Variants in MACROD2 observed in about 807,000 individuals in gnomAD.
The protein encoded by MACROD2 is mono-ADP ribosylhydrolase 2.
Under a neutral mutation model 70.4 loss-of-function variants are expected in MACROD2, and 36 were observed. The observed-to-expected ratio is 0.51, with a 90% CI of 0.39 to 0.68. The LOEUF (loss-of-function observed/expected upper bound fraction) is 0.68. Ranked by LOEUF, MACROD2 falls within the 30% of genes least tolerant of loss-of-function variation. The probability of loss-of-function intolerance (pLI) is 0.00; values close to 1 mark genes in which losing one functional copy is unlikely to be tolerated. For synonymous variants in MACROD2, 172 were observed against 178.8 expected (o/e 0.96, Z 0.30); for missense variants, 496 against 538.4 (o/e 0.92, Z 0.78).
intron 4 of MACROD2, among the ~76,000 whole-genome samples, chr20:14,533,371 G>C (rs761271836): frequency 6.6e-6 from 1 of 152,170 alleles, no homozygotes; most frequent in African/African-American, 2.4e-5. Context: ...ACCTCAGTTA[G>C]TGAAAATTTT....
chr20:15,213,447 A>T lies in MACROD2; in HGVS notation c.419-16493A>T, dbSNP rs150756549. Among the ~76,000 whole-genome samples the T allele has an allele frequency of 2.6e-3, 389 of 152,092 alleles. 3 individuals are homozygous for T. Among genetic ancestry groups the T allele is most frequent in the African/African-American group, 8.8e-3 (367 of 41,480 alleles). On this transcript the variant is annotated intron_variant, in intron 5 of 17. Transcript: ENST00000684519. Reference sequence around the variant, plus strand: ...CCATTTTTTTTTTCCTATGTTGGTTAAGGAGGCCTCTTAGCAAAATCTAAA... The same window carrying T: ...CCATTTTTTTTTTCCTATGTTGGTTTAGGAGGCCTCTTAGCAAAATCTAAA...
At chr20:14,595,514 G>A (rs1263822535) in intron 4 of MACROD2, among the ~76,000 whole-genome samples, 1 of 152,086 alleles carries the variant, frequency 6.6e-6, no homozygotes, top group Admixed American at 6.6e-5. Context: ...CTTACACTTG[G>A]CTGTCTCAAT....
Position 14,305,310 on chromosome 20 carries a change from T to C in MACROD2, c.272-188169T>C, listed in dbSNP as rs6042662. On this transcript the variant is annotated intron_variant, in intron 3 of 17. Coordinates refer to ENST00000684519, the MANE Select transcript of MACROD2 (RefSeq NM_001351661.2). ...CATTTATTTACCAGGTAAGCTATTG[T>C]TGCTTATTCATTTCATGTGTTTGCC... 9.4e-3 allele frequency among the ~76,000 whole-genome samples: 1,439 copies of C among 152,296 alleles called. 22 individuals are homozygous for C. The highest frequency in any genetic ancestry group is 0.033 in the African/African-American group (1,368 of 41,572).
chr20:14,136,271 A>C (rs2054796204), intron 3 of MACROD2, among the ~76,000 whole-genome samples: 2 of 152,196 alleles, frequency 1.3e-5, no homozygotes, highest in Admixed American at 1.3e-4. Context: ...TATAAGCACA[A>C]AAAATGTGAA....
intron 5 of MACROD2, among the ~76,000 whole-genome samples, chr20:14,812,446 G>A (rs1228067879): frequency 2.6e-5 from 4 of 151,948 alleles, no homozygotes; most frequent in Admixed American, 1.3e-4. Context: ...GGGAGGAATA[G>A]CATTAGGAGA....
intron 2 of MACROD2, among the ~76,000 whole-genome samples, chr20:14,045,255 C>A (rs908843420): frequency 3.3e-5 from 5 of 152,266 alleles, no homozygotes; most frequent in Non-Finnish European, 7.3e-5. Context: ...GGCTGAAGGG[C>A]CCCTCAAGCG....
At chr20:15,285,819 A>G (rs1258527240) in intron 6 of MACROD2, among the ~76,000 whole-genome samples, 1 of 152,192 alleles carries the variant, frequency 6.6e-6, no homozygotes, top group Non-Finnish European at 1.5e-5. Context: ...AGAAGTTCCT[A>G]CTATGAAAGT....
chr20:15,590,985 A>AAG (rs909142950), intron 8 of MACROD2, among the ~76,000 whole-genome samples: 12 of 151,964 alleles, frequency 7.9e-5, no homozygotes, highest in East Asian at 3.9e-4. Context: ...GAAAGAAAAG[A>AAG]AGAGAGAGAG....
intron 10 of MACROD2, among the ~76,000 whole-genome samples, chr20:15,899,304 G>GTATGTGTATGTATGTGTATGTA (rs2065028063): frequency 6.6e-6 from 1 of 151,658 alleles, no homozygotes; most frequent in Non-Finnish European, 1.5e-5. Context: ...ACATATGTGT[G>GTATGTGTATGTATGTGTATGTA]TACATATATA....
At chr20:14,562,125 G>A (rs947384057) in intron 4 of MACROD2, among the ~76,000 whole-genome samples, 1 of 151,816 alleles carries the variant, frequency 6.6e-6, no homozygotes, top group Admixed American at 6.6e-5. Flanking sequence ...TTGGATAGAC[G>A]TTTTGGCAGA....
intron 8 of MACROD2, among the ~76,000 whole-genome samples, chr20:15,538,040 GA>G (rs1282959469): frequency 1.3e-5 from 2 of 152,168 alleles, no homozygotes; most frequent in African/African-American, 4.8e-5. Flanking sequence ...AATATGGTTG[GA>G]TATGTCTTAG....
chr20:15,381,698 A>G (rs2045646622), intron 6 of MACROD2, among the ~76,000 whole-genome samples: 1 of 152,054 alleles, frequency 6.6e-6, no homozygotes, highest in South Asian at 2.1e-4. Flanking sequence ...CTAAAAGGTG[A>G]CAGATAGCCT....
chr20:15,636,959 T>C (rs1327489841), intron 8 of MACROD2, among the ~76,000 whole-genome samples: 1 of 152,148 alleles, frequency 6.6e-6, no homozygotes, highest in African/African-American at 2.4e-5. Context: ...ACACAGCTAC[T>C]CCAGGAAGCC....
intron 3 of MACROD2, among the ~76,000 whole-genome samples, chr20:14,426,822 C>T (rs1448829225): frequency 6.6e-6 from 1 of 152,080 alleles, no homozygotes; most frequent in African/African-American, 2.4e-5. Flanking sequence ...CACTTAATCT[C>T]TCTGTTTTCA....
intron 7 of MACROD2, among the ~76,000 whole-genome samples, chr20:15,469,623 A>C (rs755474863): frequency 1.6e-4 from 25 of 152,206 alleles, no homozygotes; most frequent in Admixed American, 3.9e-4. Context: ...GCAAGAATCC[A>C]GTCCACAAGA....
intron 5 of MACROD2, among the ~76,000 whole-genome samples, chr20:15,139,511 A>G (rs141423143): frequency 6.6e-6 from 1 of 152,230 alleles, no homozygotes; most frequent in East Asian, 1.9e-4. Context: ...TGCCGTCAAC[A>G]TATGTCACTC....
At chr20:15,104,918 A>G (rs770238837) in intron 5 of MACROD2, among the ~76,000 whole-genome samples, 2 of 152,120 alleles carry the variant, frequency 1.3e-5, no homozygotes, top group Non-Finnish European at 2.9e-5. Flanking sequence ...GTTTTATTTT[A>G]TTTTTAAAAG....
intron 6 of MACROD2, among the ~76,000 whole-genome samples, chr20:15,324,028 A>G (rs954924676): frequency 5.3e-5 from 8 of 152,052 alleles, no homozygotes; most frequent in Admixed American, 1.3e-4. Context: ...GTTCAATGTG[A>G]CAAGGAACAA....
chr20:14,414,175 C>T (rs1008646723), intron 3 of MACROD2, among the ~76,000 whole-genome samples: 19 of 152,108 alleles, frequency 1.2e-4, no homozygotes, highest in African/African-American at 2.4e-4. Flanking sequence ...ATAGACATCT[C>T]GGCTTAGATT....
Sources: gnomAD v4.1 joint callset for allele counts (sites outside exome capture counted in the v4.1 genomes callset) on GRCh38, gnomAD v4.1.1 for gene constraint, MANE v1.5 for transcripts, NCBI Gene and HGNC (gene_info 2026-07-23, HGNC 2026-07-21) for gene names.